CFAP70: variants seen among roughly 807,000 people sequenced by gnomAD.
CFAP70 encodes the protein cilia- and flagella-associated protein 70.
CFAP70 carries 81 observed loss-of-function variants against 137.6 expected under a neutral mutation model. That is an observed-to-expected ratio of 0.59 (90% CI 0.49 to 0.71). The LOEUF (loss-of-function observed/expected upper bound fraction) is 0.71. Ranked by LOEUF, CFAP70 falls within the 30% of genes least tolerant of loss-of-function variation. The pLI is 0.00. For synonymous variants in CFAP70, 382 were observed against 423.6 expected (o/e 0.90, Z 1.20); for missense variants, 976 against 1,226.7 (o/e 0.80, Z 3.05).
At chr10:73,305,411 A>C (rs1232153155) in intron 12 of CFAP70, among the ~76,000 whole-genome samples, 1 of 152,218 alleles carries the variant, frequency 6.6e-6, no homozygotes, top group East Asian at 1.9e-4. Context: ...AGAAAGCCAC[A>C]TGTATGCCCA....
intron 12 of CFAP70, among the ~76,000 whole-genome samples, chr10:73,304,847 TAAA>T (rs755417161): frequency 7.2e-6 from 1 of 138,408 alleles, no homozygotes; most frequent in African/African-American, 2.7e-5. Context: ...CAGATAAACT[TAAA>T]AAAAAAAAAC....
chr10:73,328,142 T>G (rs1474115116), intron 8 of CFAP70, among the ~76,000 whole-genome samples: 2 of 152,038 alleles, frequency 1.3e-5, no homozygotes, highest in African/African-American at 4.8e-5. Context: ...AAAACAGAGA[T>G]ATAGATCAAT....
chr10:73,309,882 C>T (rs995888917), intron 12 of CFAP70, among the ~76,000 whole-genome samples: 4 of 152,000 alleles, frequency 2.6e-5, no homozygotes, highest in Middle Eastern at 3.2e-3. Flanking sequence ...GTCTCAAACT[C>T]CTGAGCTCAG....
At chr10:73,286,734 G>C (rs1324936006) in intron 19 of CFAP70, among the ~76,000 whole-genome samples, 1 of 152,150 alleles carries the variant, frequency 6.6e-6, no homozygotes, top group Non-Finnish European at 1.5e-5. Flanking sequence ...GGAAAATTGG[G>C]GCTGACAGCC....
At chr10:73,255,354 C>CA (rs1343063537) in intron 26 of CFAP70, among the ~76,000 whole-genome samples, 1 of 151,986 alleles carries the variant, frequency 6.6e-6, no homozygotes, top group Non-Finnish European at 1.5e-5. Context: ...GAGATTGCGC[C>CA]ACTGCACTCC....
intron 8 of CFAP70, among the ~76,000 whole-genome samples, chr10:73,325,243 A>G (rs1024296378): frequency 6.6e-5 from 10 of 152,192 alleles, no homozygotes; most frequent in Non-Finnish European, 1.2e-4. Flanking sequence ...ACTAAGCTTC[A>G]TAAGTGAAGG....
At position 73,310,011 on chromosome 10, in the gene CFAP70, A is replaced by G. The variant is rs554643280; in HGVS notation, c.1256+147T>C. 99 of 521,780 alleles carry G rather than the reference A, an allele frequency of 1.9e-4. No homozygotes were observed. The African/African-American group carries it at 1.9e-3, about 10-fold the overall frequency. The allele number at this position is 521,780 out of a possible 1,614,324, so 32.3% of individuals were successfully genotyped here. On this transcript the variant is annotated intron_variant, in intron 12 of 26. Coordinates refer to ENST00000310715, the Ensembl canonical transcript of CFAP70. ...ATGCTTTTGTGATAAGGTAACAAAA[A>G]TAACAACAACAACAAAAACTTCATC...
intron 15 of CFAP70, chr10:73,294,907 T>G (rs113515174): frequency 2.6e-5 from 4 of 152,278 alleles, no homozygotes; most frequent in African/African-American, 9.7e-5. Flanking sequence ...CTTTCCCAGG[T>G]GTATACCCTG....
intron 15 of CFAP70, 196 bp downstream of exon 16, chr10:73,296,846 C>T (rs2048580522): frequency 2.4e-6 from 1 of 411,230 alleles, no homozygotes; most frequent in Non-Finnish European, 4.2e-6. Flanking sequence ...AAGAGCATAT[C>T]TCCTTGTTTT....
chr10:73,311,415 C>T (rs901018236), intron 11 of CFAP70, among the ~76,000 whole-genome samples: 1 of 152,164 alleles, frequency 6.6e-6, no homozygotes, highest in African/African-American at 2.4e-5. Flanking sequence ...ATATTTGTCT[C>T]CTCAGAGCCC....
chr10:73,324,998 A>G (rs2051256561), intron 8 of CFAP70, among the ~76,000 whole-genome samples: 1 of 152,100 alleles, frequency 6.6e-6, no homozygotes, highest in South Asian at 2.1e-4. Context: ...CCACAAAGAT[A>G]CTCCTTGAGA....
chr10:73,328,140 GA>G (rs2051670706), intron 8 of CFAP70, among the ~76,000 whole-genome samples: 1 of 152,108 alleles, frequency 6.6e-6, no homozygotes, highest in Admixed American at 6.6e-5. Context: ...CCAAAACAGA[GA>G]TATAGATCAA....
At chr10:73,335,405 C>T (rs925450698) in intron 7 of CFAP70, 25 bp downstream of exon 8, 18 of 1,521,234 alleles carry the variant, frequency 1.2e-5, no homozygotes, top group Non-Finnish European at 1.5e-5. Context: ...GTGGGTTAGA[C>T]ATATGTCCTT....
At chr10:73,267,653 C>T (rs921382146) in intron 25 of CFAP70, among the ~76,000 whole-genome samples, 7 of 152,174 alleles carry the variant, frequency 4.6e-5, no homozygotes, top group African/African-American at 1.7e-4. Flanking sequence ...CTGTGTATAA[C>T]ACCCATTTAT....
chr10:73,283,328 A>G (rs923907181), intron 19 of CFAP70, among the ~76,000 whole-genome samples: 13 of 152,314 alleles, frequency 8.5e-5, no homozygotes, highest in East Asian at 1.9e-4. Flanking sequence ...TGGGTGATCT[A>G]TAATATCAAT....
intron 5 of CFAP70, 72 bp downstream of exon 6, chr10:73,344,993 G>C: frequency 7.9e-7 from 1 of 1,262,946 alleles, no homozygotes. Flanking sequence ...AAATCTTAGA[G>C]GTGAGGAAGA....
chr10:73,337,080 T>G (rs1433278396), intron 6 of CFAP70, among the ~76,000 whole-genome samples: 2 of 152,224 alleles, frequency 1.3e-5, no homozygotes, highest in African/African-American at 4.8e-5. Context: ...TGTGTGTAAG[T>G]ATGTACTCTT....
intron 24 of CFAP70, among the ~76,000 whole-genome samples, chr10:73,272,272 T>C (rs1285882751): frequency 6.6e-6 from 1 of 151,958 alleles, no homozygotes; most frequent in Non-Finnish European, 1.5e-5. Flanking sequence ...GAGGCAGAGG[T>C]TGCAGTGAGC....
intron 19 of CFAP70, among the ~76,000 whole-genome samples, chr10:73,280,328 TTAAA>T (rs1340869696): frequency 2.0e-5 from 3 of 152,068 alleles, no homozygotes; most frequent in Non-Finnish European, 2.9e-5. Flanking sequence ...AATAATAAAA[TTAAA>T]TAAATAAATA....
Sources: gnomAD v4.1 joint callset for allele counts (sites outside exome capture counted in the v4.1 genomes callset) on GRCh38, gnomAD v4.1.1 for gene constraint, MANE v1.5 for transcripts, NCBI Gene and HGNC (gene_info 2026-07-23, HGNC 2026-07-21) for gene names.